The following ZC2HC1A variants were observed in gnomAD, a reference collection of about 807,000 sequenced individuals.
The protein encoded by ZC2HC1A is zinc finger C2HC domain-containing protein 1A.
A neutral mutation model predicts 40.7 loss-of-function variants in ZC2HC1A; 28 were observed. The observed-to-expected ratio is 0.69, with a 90% CI of 0.51 to 0.94. The LOEUF (loss-of-function observed/expected upper bound fraction) is 0.94, where lower values mean the gene tolerates loss of function less well. Ranked by LOEUF, ZC2HC1A falls within the 40% of genes least tolerant of loss-of-function variation. The pLI is 0.00. For missense variants in ZC2HC1A, 389 were observed against 386.3 expected (o/e 1.01, Z -0.06); for synonymous variants, 129 against 129.2 (o/e 1.00, Z 0.01).
intron 7 of ZC2HC1A, among the ~76,000 whole-genome samples, chr8:78,706,364 T>G (rs906199586): frequency 2.0e-5 from 3 of 152,162 alleles, no homozygotes; most frequent in African/African-American, 7.2e-5. Flanking sequence ...GCTGGGAAGT[T>G]TGGAGTTCCT....
chr8:78,719,323 A>C lies in ZC2HC1A; in HGVS notation c.*1830A>C, dbSNP rs984957792. The C allele has an allele frequency of 6.6e-6, 1 of 151,768 alleles. No homozygotes were observed. Among genetic ancestry groups the C allele is most frequent in the Non-Finnish European group, 1.5e-5 (1 of 67,676 alleles). The allele number at this position is 151,768 out of a possible 1,614,324, so 9.4% of individuals were successfully genotyped here. A position where few individuals can be genotyped will look rare whatever the true frequency, so the allele number is the denominator to read the frequency against. ...ACATTTGTTTCTCACTGAATTTTAC[A>C]GTAGTAAATTAATGTTATAATGTAC... On this transcript the variant is annotated 3_prime_UTR_variant, in exon 9 of 9. Transcript: ENST00000263849.
rs1809979388 is a variant in ZC2HC1A at position 78,686,514 on chromosome 8, A to G, written c.258A>G (p.Glu86=). 1.3e-6 allele frequency: 2 copies of G among 1,550,518 alleles called. No individual in the cohort carries two copies. The highest frequency in any genetic ancestry group is 2.8e-5 in the African/African-American group (2 of 72,104). The change falls in exon 4 of 9, where the codon GAA becomes GAG. Residue 86 remains glutamate (E), a synonymous_variant. Coordinates refer to ENST00000263849, the MANE Select transcript of ZC2HC1A (RefSeq NM_016010.3). ...CTAATTGGAGAAGGAAACATGAAGAATTCATTGCTACCATAAGAGCAGCTA... is the reference window on the plus strand; with the variant it reads ...CTAATTGGAGAAGGAAACATGAAGAGTTCATTGCTACCATAAGAGCAGCTA... ...KPSNWRRKHE[E]FIATIRAAKG... is the part of the protein sequence containing the mutation.
intron 7 of ZC2HC1A, among the ~76,000 whole-genome samples, chr8:78,707,453 G>A (rs571769523): frequency 2.6e-5 from 4 of 152,312 alleles, no homozygotes; most frequent in African/African-American, 9.6e-5. Flanking sequence ...GTCTGACTGT[G>A]ACAACATCTG....
chr8:78,717,652 A>C lies in ZC2HC1A; in HGVS notation c.*159A>C. 1.4e-6 allele frequency: 1 copy of C among 690,400 alleles called. No individual in the cohort carries two copies. 42.8% of individuals were successfully genotyped at this position (690,400 alleles called of 1,614,324 possible). A position where few individuals can be genotyped will look rare whatever the true frequency, so the allele number is the denominator to read the frequency against. On this transcript the variant is annotated 3_prime_UTR_variant, in exon 9 of 9. Transcript: ENST00000263849. ...AATCTTTTGGCTATATAATGTGTGT[A>C]TGTTTATATGTGTACATATACTGTA... is the stretch of plus-strand genomic sequence containing the variant.
intron 7 of ZC2HC1A, among the ~76,000 whole-genome samples, chr8:78,706,099 G>C (rs1468618633): frequency 6.6e-6 from 1 of 152,144 alleles, no homozygotes; most frequent in Non-Finnish European, 1.5e-5. Flanking sequence ...ACTCTCCAAA[G>C]CCTGCAGAAC....
intron 2 of ZC2HC1A, 68 bp from the exon 3 acceptor site, chr8:78,678,495 A>G: frequency 8.1e-7 from 1 of 1,230,300 alleles, no homozygotes; most frequent in South Asian, 1.5e-5. Context: ...TCTCAATGTA[A>G]ATAAAGTTCT....
At chr8:78,715,379 T>C in intron 8 of ZC2HC1A, 51 bp downstream of exon 8, 1 of 1,507,794 alleles carries the variant, frequency 6.6e-7, no homozygotes. Context: ...GAGTATATGA[T>C]AGTTTTCCAA....
chr8:78,689,394 T>G (rs375969699), intron 5 of ZC2HC1A, 21 bp downstream of exon 5: 4 of 1,543,238 alleles, frequency 2.6e-6, no homozygotes, highest in Non-Finnish European at 3.5e-6. Context: ...TTTTAATAAT[T>G]GCTATAAACG....
intron 7 of ZC2HC1A, among the ~76,000 whole-genome samples, chr8:78,703,672 T>C (rs1358272255): frequency 6.6e-6 from 1 of 152,116 alleles, no homozygotes; most frequent in Non-Finnish European, 1.5e-5. Context: ...CCCATGTGTG[T>C]CATTGCATGA....
chr8:78,689,597 A>G (rs761428355), intron 5 of ZC2HC1A, among the ~76,000 whole-genome samples: 4 of 151,822 alleles, frequency 2.6e-5, no homozygotes, highest in Non-Finnish European at 2.9e-5. Flanking sequence ...CCCTTTTTCT[A>G]TGTGGATATT....
In ZC2HC1A at chr8:78,691,021, T is replaced by TA. The variant is rs369711953; in HGVS notation, c.504+1651dup. Among the ~76,000 whole-genome samples the TA allele has an allele frequency of 3.5e-3, 531 of 152,294 alleles. 4 individuals are homozygous for TA. The highest frequency in any genetic ancestry group is 0.01 in the African/African-American group (423 of 41,568). ...TCTATGTATACAGTCATGTCACCTA[T>TA]AAATAAGGACAGTTTTATTTTCTTC... On this transcript the variant is annotated intron_variant, in intron 5 of 8. Transcript: ENST00000263849.
intron 8 of ZC2HC1A, among the ~76,000 whole-genome samples, chr8:78,716,477 G>C (rs1811108310): frequency 6.6e-6 from 1 of 151,928 alleles, no homozygotes; most frequent in African/African-American, 2.4e-5. Flanking sequence ...ATGCATAAGA[G>C]TTTGTTATTT....
chr8:78,710,283 A>G (rs889871454), intron 7 of ZC2HC1A, among the ~76,000 whole-genome samples: 2 of 152,120 alleles, frequency 1.3e-5, no homozygotes, highest in Admixed American at 1.3e-4. Flanking sequence ...TGAGTTTTGA[A>G]TGTACATATA....
intron 8 of ZC2HC1A, among the ~76,000 whole-genome samples, chr8:78,715,754 G>A (rs539904660): frequency 6.6e-6 from 1 of 152,230 alleles, no homozygotes; most frequent in African/African-American, 2.4e-5. Context: ...AAACTGGAAT[G>A]GATGAGGAGT....
chr8:78,712,220 A>G (rs1483346176), intron 7 of ZC2HC1A: 1 of 467,418 alleles, frequency 2.1e-6, no homozygotes, highest in Non-Finnish European at 3.4e-6. Flanking sequence ...CTGTTGAATA[A>G]TTTCTAAGCC....
intron 8 of ZC2HC1A, 121 bp from the exon 9 acceptor site, chr8:78,717,207 G>A (rs1811133745): frequency 1.2e-6 from 1 of 861,194 alleles, no homozygotes; most frequent in South Asian, 2.7e-5. Context: ...TTGAACTAGA[G>A]GAATATTAAA....
At chr8:78,698,378 A>T in intron 6 of ZC2HC1A, 36 bp from the exon 7 acceptor site, 3 of 1,522,878 alleles carry the variant, frequency 2.0e-6, no homozygotes, top group Non-Finnish European at 2.7e-6. Flanking sequence ...AACCTTTTTT[A>T]GAGTATTGTT....
chr8:78,698,050 TAGTC>T (rs1206370733), intron 6 of ZC2HC1A, among the ~76,000 whole-genome samples: 3 of 152,180 alleles, frequency 2.0e-5, no homozygotes, highest in African/African-American at 7.2e-5. Context: ...CTGTTCAGAA[TAGTC>T]AGCCCAGTAC....
At chr8:78,703,228 G>A (rs1419070649) in intron 7 of ZC2HC1A, among the ~76,000 whole-genome samples, 1 of 152,070 alleles carries the variant, frequency 6.6e-6, no homozygotes, top group Non-Finnish European at 1.5e-5. Context: ...TGTGCCAGAT[G>A]GTGATGAGAA....
Sources: gnomAD v4.1 joint callset for allele counts (sites outside exome capture counted in the v4.1 genomes callset) on GRCh38, gnomAD v4.1.1 for gene constraint, MANE v1.5 for transcripts, NCBI Gene and HGNC (gene_info 2026-07-23, HGNC 2026-07-21) for gene names.